SETD2: variants seen among roughly 807,000 people sequenced by gnomAD.
SETD2 encodes the protein SET domain containing 2, histone lysine methyltransferase, also known as histone-lysine N-methyltransferase SETD2.
In SETD2, 31 loss-of-function variants were observed where a neutral mutation model predicts 242.1. The ratio of observed to expected loss-of-function variants is 0.13; its 90% CI spans 0.10 to 0.17. The LOEUF (loss-of-function observed/expected upper bound fraction) is 0.17, where lower values mean the gene tolerates loss of function less well. Ranked by LOEUF, SETD2 falls within the 10% of genes least tolerant of loss-of-function variation. The probability of loss-of-function intolerance (pLI) is 1.00; values close to 1 mark genes in which losing one functional copy is unlikely to be tolerated. For missense variants in SETD2, 2,481 were observed against 3,046.3 expected, an observed-to-expected ratio of 0.81 and a Z score of 4.37; for synonymous variants, 1,006 against 1,066.5, an observed-to-expected ratio of 0.94 and a Z score of 1.11.
intron 17 of SETD2, among the ~76,000 whole-genome samples, chr3:47,039,245 C>T (rs1397889265): frequency 6.0e-5 from 9 of 151,240 alleles, no homozygotes; most frequent in Admixed American, 4.0e-4. Flanking sequence ...TATGGAGTCT[C>T]GCTCTGTGAC....
chr3:47,132,608 A>G (rs923539311), intron 1 of SETD2, among the ~76,000 whole-genome samples: 1 of 152,230 alleles, frequency 6.6e-6, no homozygotes, highest in Admixed American at 6.5e-5. Flanking sequence ...CCTGTCCTCA[A>G]GGTGGACAGC....
At chr3:47,111,352 A>G (rs1371235666) in intron 5 of SETD2, among the ~76,000 whole-genome samples, 1 of 152,124 alleles carries the variant, frequency 6.6e-6, no homozygotes, top group Non-Finnish European at 1.5e-5. Flanking sequence ...ATAAACAATT[A>G]AAAACCAGTT....
At chr3:47,038,412 G>A (rs934690411) in intron 17 of SETD2, among the ~76,000 whole-genome samples, 3 of 152,064 alleles carry the variant, frequency 2.0e-5, no homozygotes, top group South Asian at 2.1e-4. Context: ...TCAGGAGTTC[G>A]AGACCAGCCT....
intron 12 of SETD2, among the ~76,000 whole-genome samples, chr3:47,072,079 C>A (rs895536364): frequency 6.6e-6 from 1 of 152,004 alleles, no homozygotes; most frequent in African/African-American, 2.4e-5. Context: ...GAGGCCGAGG[C>A]GGGCAGATCA....
intron 16 of SETD2, among the ~76,000 whole-genome samples, chr3:47,045,419 G>A (rs898881898): frequency 6.6e-6 from 1 of 151,788 alleles, no homozygotes; most frequent in Non-Finnish European, 1.5e-5. Context: ...TCAGGAGGCT[G>A]AGGCCGGAGA....
chr3:47,142,380 G>A (rs2043750244), intron 1 of SETD2, among the ~76,000 whole-genome samples: 1 of 152,008 alleles, frequency 6.6e-6, no homozygotes, highest in African/African-American at 2.4e-5. Flanking sequence ...GTGATGGTGT[G>A]CGCCTGTAGT....
intron 12 of SETD2, among the ~76,000 whole-genome samples, chr3:47,074,017 T>C (rs534488587): frequency 2.8e-4 from 42 of 152,354 alleles, no homozygotes; most frequent in African/African-American, 9.9e-4. Flanking sequence ...TACGTGTGAA[T>C]GTGTGCAATG....
rs548301170 is a variant in SETD2, at chr3:47,068,343, T to G, written c.6061-1225A>C. Among the ~76,000 whole-genome samples, 3 of 152,308 alleles carry G rather than the reference T, an allele frequency of 2.0e-5. No individual in the cohort carries two copies. In the East Asian group the frequency reaches 5.8e-4, roughly 29 times the overall value. ...GCCATTAAAAAGGATCAATATGGAC[T>G]GCACAGATCCAGGGAAATCTATATA... On this transcript the variant is annotated intron_variant, in intron 12 of 20. Coordinates refer to ENST00000409792, the MANE Select transcript of SETD2 (RefSeq NM_014159.7).
intron 5 of SETD2, among the ~76,000 whole-genome samples, chr3:47,106,384 G>T (rs1321762011): frequency 6.8e-6 from 1 of 146,950 alleles, no homozygotes; most frequent in Non-Finnish European, 1.5e-5. Flanking sequence ...CCTTTAACTA[G>T]ATACTAAATC....
chr3:47,118,651 T>C (rs1286717523), intron 3 of SETD2, among the ~76,000 whole-genome samples: 1 of 146,718 alleles, frequency 6.8e-6, no homozygotes, highest in African/African-American at 2.5e-5. Context: ...GGAGACAAAG[T>C]GAGACTCTGT....
chr3:47,158,064 G>A (rs1377850765), intron 1 of SETD2, among the ~76,000 whole-genome samples: 1 of 152,114 alleles, frequency 6.6e-6, no homozygotes, highest in Non-Finnish European at 1.5e-5. Context: ...TCTGTCTCCA[G>A]AGCCCAGGGA....
intron 4 of SETD2, 145 bp downstream of exon 4, chr3:47,116,478 T>C: frequency 4.5e-6 from 3 of 666,918 alleles, no homozygotes; most frequent in African/African-American, 1.8e-5. Flanking sequence ...TTTTCTACTA[T>C]ACATCAAAGT....
chr3:47,112,564 G>A (rs1372611756), intron 5 of SETD2, among the ~76,000 whole-genome samples: 1 of 151,728 alleles, frequency 6.6e-6, no homozygotes, highest in Non-Finnish European at 1.5e-5. Flanking sequence ...TTACAGGCGT[G>A]AACCACCACG....
chr3:47,134,542 T>C (rs1319783034), intron 1 of SETD2, among the ~76,000 whole-genome samples: 3 of 152,134 alleles, frequency 2.0e-5, no homozygotes, highest in Non-Finnish European at 2.9e-5. Flanking sequence ...CCTAGCTAAC[T>C]ACCAAGAGTG....
chr3:47,037,775 T>C lies in SETD2; in HGVS notation c.7241A>G (p.Gln2414Arg). ...CCAAGTAGGAGGATCCCACTGAGTC[T>C]GCCTAGAAAGAGACAAAAACAGCCA... The part of the protein sequence containing the change: ...KIYYYHVITR[Q>R]TQWDPPTWES... The change falls in exon 18 of 21, where the codon CAG becomes CGG. Residue 2414 changes from glutamine (Q) to arginine (R), a missense_variant and splice_region_variant. Physicochemically the swap from Gln to Arg is conservative, Grantham distance 43. This residue lies in a region of SETD2 where 235 missense variants were observed against 293.9 expected (regional missense o/e 0.80). Coordinates refer to ENST00000409792, the MANE Select transcript of SETD2 (RefSeq NM_014159.7). 6.2e-7 allele frequency: 1 copy of C among 1,612,758 alleles called. No homozygotes were observed. Among genetic ancestry groups the C allele is most frequent in the South Asian group, 1.1e-5 (1 of 91,060 alleles).
intron 9 of SETD2, among the ~76,000 whole-genome samples, 189 bp from the exon 10 acceptor site, chr3:47,088,436 TA>T (rs2041660614): frequency 1.3e-5 from 2 of 152,116 alleles, no homozygotes; most frequent in African/African-American, 4.8e-5. Context: ...GATGAAAGTA[TA>T]AAGTGGTATA....
rs2107539123 is a variant in SETD2, at chr3:47,042,549, A to G, written c.7238+12T>C. On this transcript the variant is annotated intron_variant, in intron 17 of 20. Coordinates refer to ENST00000409792, the MANE Select transcript of SETD2 (RefSeq NM_014159.7). ...AAAGCAGACATGGGAACGCCCATAC[A>G]GCTCCTCTTACCTTGTGATCACATG... 1.2e-6 allele frequency: 2 copies of G among 1,614,040 alleles called. No homozygotes were observed.
rs2107718265 is a variant in SETD2, at chr3:47,113,856, G to C, written c.4715+20C>G. On this transcript the variant is annotated intron_variant, in intron 5 of 20. Transcript: ENST00000409792. ...CTTGTCTCAAAAAAGGAAGTGAAAG[G>C]TAATTAAAAAAGAACTTACGAAGGA... The C allele has an allele frequency of 6.2e-7, 1 of 1,603,964 alleles. No individual in the cohort carries two copies. Among genetic ancestry groups the C allele is most frequent in the Non-Finnish European group, 8.5e-7 (1 of 1,176,786 alleles).
chr3:47,025,717 A>C (rs2107506329), intron 18 of SETD2, among the ~76,000 whole-genome samples: 1 of 152,316 alleles, frequency 6.6e-6, no homozygotes. Context: ...CTATAGGTGA[A>C]ACTGTACTCC....
Sources: gnomAD v4.1 joint callset for allele counts (sites outside exome capture counted in the v4.1 genomes callset) on GRCh38, gnomAD v4.1.1 for gene constraint, gnomAD v4.1.1 regional missense constraint, MANE v1.5 for transcripts, NCBI Gene and HGNC (gene_info 2026-07-23, HGNC 2026-07-21) for gene names.